Variants in TLR3 observed in about 807,000 individuals in gnomAD.
TLR3 encodes the protein toll-like receptor 3.
TLR3 carries 43 observed loss-of-function variants against 66.4 expected under a neutral mutation model. The ratio of observed to expected loss-of-function variants is 0.65; its 90% confidence interval spans 0.51 to 0.83. The LOEUF is 0.83. TLR3 is among the 40% of genes least tolerant of loss of function. The pLI is 0.00. For missense variants in TLR3, 982 were observed against 1,044.6 expected, an observed-to-expected ratio of 0.94 and a Z score of 0.83; for synonymous variants, 397 against 397.2, an observed-to-expected ratio of 1.00 and a Z score of 0.01.
intron 1 of TLR3, 28 bp from the exon 2 acceptor site, chr4:186,076,585 C>T (rs2099302489): frequency 1.9e-6 from 3 of 1,608,070 alleles, no homozygotes; most frequent in African/African-American, 2.7e-5. Flanking sequence ...TAATGTTGCT[C>T]ATACTTTTTA....
At chr4:186,069,890 G>C (rs574930011) in intron 1 of TLR3, among the ~76,000 whole-genome samples, 1 of 152,200 alleles carries the variant, frequency 6.6e-6, no homozygotes, top group African/African-American at 2.4e-5. Flanking sequence ...TGATTCCCAG[G>C]TTTACAGATG....
At chr4:186,084,535 A>G in intron 4 of TLR3, 110 bp from the exon 5 acceptor site, 1 of 775,888 alleles carries the variant, frequency 1.3e-6, no homozygotes, top group Non-Finnish European at 2.1e-6. Context: ...TTAAGAAAAA[A>G]AAAACCTGAG....
At chr4:186,069,876 A>G (rs1420630568) in intron 1 of TLR3, among the ~76,000 whole-genome samples, 1 of 152,246 alleles carries the variant, frequency 6.6e-6, no homozygotes, top group Non-Finnish European at 1.5e-5. Context: ...TGGCTTCAGC[A>G]AGTTGATTCC....
chr4:186,076,179 GAAACAAAAAC>G (rs549347479), intron 1 of TLR3, among the ~76,000 whole-genome samples: 184 of 152,048 alleles, frequency 1.2e-3, no homozygotes, highest in Middle Eastern at 3.4e-3. Flanking sequence ...AAAATAAAAC[GAAACAAAAAC>G]AAACAAAATT....
At chr4:186,072,590 G>C (rs530587586) in intron 1 of TLR3, among the ~76,000 whole-genome samples, 1 of 152,182 alleles carries the variant, frequency 6.6e-6, no homozygotes, top group Non-Finnish European at 1.5e-5. Flanking sequence ...GGTTACAGGC[G>C]TGAGCCACTG....
At position 186,083,197 on chromosome 4, in the gene TLR3, C is replaced by T; in HGVS notation, c.1511C>T (p.Pro504Leu). Reference protein sequence around the residue: ...NVDSSPSPFQPLRNLTILDLS... With the variant: ...NVDSSPSPFQLLRNLTILDLS... ...GATAGCTCTCCTTCACCATTCCAGC[C>T]TCTTCGTAACTTGACCATTCTGGAT... The change falls in exon 4 of 5, where the codon CCT becomes CTT. Residue 504 changes from proline (P) to leucine (L), a missense_variant. By Grantham distance (98) the Pro-to-Leu change is moderately conservative. Around this residue, in one of 3 missense-constraint regions of TLR3, gnomAD observed 666 missense variants for 709.0 expected, o/e 0.94. Transcript: ENST00000296795. The surrounding 1 kb of genome is among the most constrained non-coding windows in gnomAD (Gnocchi z 4.0). 3 of 1,614,072 alleles carry T rather than the reference C, an allele frequency of 1.9e-6. No individual in the cohort carries two copies. The highest frequency in any genetic ancestry group is 3.3e-4 in the Middle Eastern group (2 of 6,084).
At chr4:186,072,344 CTTTG>C (rs1351179913) in intron 1 of TLR3, among the ~76,000 whole-genome samples, 11 of 152,280 alleles carry the variant, frequency 7.2e-5, no homozygotes, top group African/African-American at 2.6e-4. Context: ...CGAAGTCTCA[CTTTG>C]TCACCCAGGC....
chr4:186,079,544 A>G (rs780857316), intron 3 of TLR3, among the ~76,000 whole-genome samples: 17 of 152,230 alleles, frequency 1.1e-4, no homozygotes, highest in Non-Finnish European at 1.8e-4. Context: ...TAAAGAATTT[A>G]GGACCGTGTC....
intron 1 of TLR3, among the ~76,000 whole-genome samples, chr4:186,073,071 AG>A (rs1175318263): frequency 6.6e-6 from 1 of 152,204 alleles, no homozygotes; most frequent in Non-Finnish European, 1.5e-5. Flanking sequence ...GTAAAGCTAA[AG>A]TAATCCGAAC....
chr4:186,081,142 G>C (rs1364344591), intron 3 of TLR3, among the ~76,000 whole-genome samples: 1 of 151,856 alleles, frequency 6.6e-6, no homozygotes, highest in African/African-American at 2.4e-5. Flanking sequence ...AAGAGCAGGA[G>C]ACATCAATCT....
chr4:186,083,805 A>T lies in TLR3; in HGVS notation c.2119A>T (p.Met707Leu). 6.2e-7 allele frequency: 1 copy of T among 1,613,912 alleles called. No homozygotes were observed. The highest frequency in any genetic ancestry group is 1.3e-5 in the African/African-American group (1 of 75,026). Residue 707 changes from methionine (M) to leucine (L), a missense_variant, in exon 4 of 5, where the codon ATG becomes TTG. Around this residue, in one of 3 missense-constraint regions of TLR3, gnomAD observed 666 missense variants for 709.0 expected, o/e 0.94. Transcript: ENST00000296795. The surrounding 1 kb of genome is among the most constrained non-coding windows in gnomAD (Gnocchi z 4.0). Reference sequence around the variant, plus strand: ...CAGTGCCCCCTTTGAACTCTTTTTCATGATCAATACCAGTATCCTGTTGAT... The same window carrying T: ...CAGTGCCCCCTTTGAACTCTTTTTCTTGATCAATACCAGTATCCTGTTGAT... ...KDSAPFELFF[M>L]INTSILLIFI...
chr4:186,083,661 A>T lies in TLR3; in HGVS notation c.1975A>T (p.Asn659Tyr). The change falls in exon 4 of 5, where the codon AAT (asparagine) becomes TAT (tyrosine). Residue 659 changes from asparagine to tyrosine, a missense_variant. Asn to Tyr is a moderately radical substitution (Grantham distance 143, BLOSUM62 -2). This residue lies in a region of TLR3 where 666 missense variants were observed against 709.0 expected (regional missense o/e 0.94). Transcript: ENST00000296795. This position sits in a 1 kb window ranked among gnomAD's most constrained non-coding sequence, Gnocchi z 4.0. ...CTCESIAWFV[N>Y]WINETHTNIP... Reference sequence around the variant, plus strand: ...GTGTGAAAGTATTGCCTGGTTTGTTAATTGGATTAACGAGACCCATACCAA... The same window carrying T: ...GTGTGAAAGTATTGCCTGGTTTGTTTATTGGATTAACGAGACCCATACCAA... The T allele has an allele frequency of 6.3e-7, 1 of 1,596,600 alleles. No individual in the cohort carries two copies. The highest frequency in any genetic ancestry group is 8.5e-7 in the Non-Finnish European group (1 of 1,171,120).
chr4:186,071,884 A>T (rs1037487091), intron 1 of TLR3, among the ~76,000 whole-genome samples: 37 of 152,168 alleles, frequency 2.4e-4, no homozygotes, highest in African/African-American at 8.0e-4. Flanking sequence ...ATCTATTTAG[A>T]TATCATTACC....
Position 186,087,027 on chromosome 4 carries a change from C to G in TLR3, c.*2154C>G, listed in dbSNP as rs1257121912. On this transcript the variant is annotated 3_prime_UTR_variant, in exon 5 of 5. Transcript: ENST00000296795. The stretch of plus-strand genomic sequence containing the variant: ...TTTATGCCCTATGTAAATGAAGAGG[C>G]TAAAGTGAAATTACAAAGTTATTTA... The G allele has an allele frequency of 6.6e-6, 1 of 152,074 alleles. No individual in the cohort carries two copies. The highest frequency in any genetic ancestry group is 1.5e-5 in the Non-Finnish European group (1 of 68,028). 9.4% of individuals were successfully genotyped at this position (152,074 alleles called of 1,614,324 possible).
At chr4:186,073,862 A>T (rs1213619667) in intron 1 of TLR3, among the ~76,000 whole-genome samples, 1 of 152,166 alleles carries the variant, frequency 6.6e-6, no homozygotes, top group East Asian at 1.9e-4. Context: ...TACATAAAAA[A>T]TTCCTACAAC....
rs200662318 is a variant in TLR3, at chr4:186,084,700, A to C, written c.2542A>C (p.Ile848Leu). Residue 848 changes from isoleucine (I) to leucine (L), a missense_variant, in exon 5 of 5, where the codon ATA (isoleucine) becomes CTA (leucine). Around this residue, in one of 3 missense-constraint regions of TLR3, gnomAD observed 666 missense variants for 709.0 expected, o/e 0.94. Coordinates refer to ENST00000296795, the MANE Select transcript of TLR3 (RefSeq NM_003265.3). Reference protein sequence around the residue: ...QAIEQNLDSIILVFLEEIPDY... With the variant: ...QAIEQNLDSILLVFLEEIPDY... ...TATTGAACAAAATCTGGATTCCATT[A>C]TATTGGTTTTCCTTGAGGAGATTCC... 35 of 1,613,998 alleles carry C rather than the reference A, an allele frequency of 2.2e-5. No individual in the cohort carries two copies. The African/African-American group carries it at 3.6e-4, about 17-fold the overall frequency.
chr4:186,079,081 T>C, intron 3 of TLR3, 50 bp downstream of exon 3: 1 of 1,478,916 alleles, frequency 6.8e-7, no homozygotes, highest in Non-Finnish European at 9.3e-7. Context: ...AGGTGGATAG[T>C]CCCTATCTGT....
At chr4:186,072,411 C>T (rs74541206) in intron 1 of TLR3, among the ~76,000 whole-genome samples, 2,865 of 152,292 alleles carry the variant, frequency 0.019, 54 homozygotes, top group South Asian at 0.073. Context: ...TTCCCTAGTT[C>T]AAGCGATTCT....
intron 1 of TLR3, among the ~76,000 whole-genome samples, chr4:186,074,362 A>C (rs2099302044): frequency 6.6e-6 from 1 of 152,226 alleles, no homozygotes; most frequent in African/African-American, 2.4e-5. Flanking sequence ...TGAATACTGG[A>C]GGCAATTGTA....
Sources: allele counts gnomAD v4.1 joint callset (sites outside exome capture counted in the v4.1 genomes callset), GRCh38; gene constraint gnomAD v4.1.1; regional missense constraint gnomAD v4.1.1; non-coding constraint Gnocchi (gnomAD v3.1); transcripts MANE v1.5; gene names NCBI Gene and HGNC (gene_info 2026-07-23, HGNC 2026-07-21).